The following LYZL6 variants were observed in gnomAD, a reference collection of about 807,000 sequenced individuals.
The protein encoded by LYZL6 is lysozyme like 6, also known as lysozyme-like protein 6.
Under a neutral mutation model 15.0 loss-of-function variants are expected in LYZL6, and 21 were observed. The observed-to-expected ratio is 1.40, with a 90% CI of 1.00 to 2.02. LYZL6 has a LOEUF of 2.02. Ranked by LOEUF, LYZL6 falls within the 30% of genes most tolerant of loss-of-function variation. The probability of loss-of-function intolerance (pLI) is 0.00; values close to 1 mark genes in which losing one functional copy is unlikely to be tolerated. For missense variants in LYZL6, 173 were observed against 180.5 expected (o/e 0.96, Z 0.24); for synonymous variants, 72 against 67.8 (o/e 1.06, Z -0.31).
At chr17:35,937,611 C>T (rs1051716460) in intron 3 of LYZL6, 147 bp downstream of exon 3, 6 of 853,018 alleles carry the variant, frequency 7.0e-6, no homozygotes, top group Middle Eastern at 3.6e-4. Flanking sequence ...AGGGACACTA[C>T]TCCAGCCCTC....
chr17:35,938,575 G>A (rs899406919), intron 2 of LYZL6, among the ~76,000 whole-genome samples: 4 of 148,546 alleles, frequency 2.7e-5, no homozygotes, highest in African/African-American at 7.5e-5. Context: ...CCAAGATCGC[G>A]CCACTACACT....
intron 4 of LYZL6, among the ~76,000 whole-genome samples, chr17:35,935,146 T>TAA (rs11347315): frequency 1.4e-5 from 2 of 140,888 alleles, no homozygotes; most frequent in Admixed American, 7.1e-5. Context: ...AGTTACTTAT[T>TAA]AAAAAAAAAA....
chr17:35,936,705 GTCC>G (rs1568419800), intron 4 of LYZL6, 47 bp downstream of exon 4: 1 of 1,532,402 alleles, frequency 6.5e-7, no homozygotes, highest in Non-Finnish European at 9.0e-7. Context: ...TCTCTGTCAC[GTCC>G]TCCTTCGTGG....
intron 2 of LYZL6, 114 bp from the exon 3 acceptor site, chr17:35,938,030 A>C (rs1190112030): frequency 5.0e-6 from 5 of 999,536 alleles, no homozygotes; most frequent in Non-Finnish European, 7.4e-6. Flanking sequence ...CCTGGGAGGC[A>C]AGATAGGACT....
In LYZL6 at chr17:35,939,314, C is replaced by G. The variant is rs1294421011; in HGVS notation, c.43G>C (p.Ala15Pro). ...CTGATGAGGCTGGCCTGATTTAGGG[C>G]AAGAAAGCTGCTGACCAAATAGATG... Reference protein sequence around the residue: ...LLIYLVSSFLALNQASLISRC... With the variant: ...LLIYLVSSFLPLNQASLISRC... The change falls in exon 2 of 5, where the codon GCC (alanine) becomes CCC (proline). Residue 15 changes from alanine to proline, a missense_variant. Transcript: ENST00000615905. The G allele has an allele frequency of 1.9e-6, 3 of 1,613,994 alleles. No homozygotes were observed. In the African/African-American group the frequency reaches 4.0e-5, roughly 22 times the overall value.
At chr17:35,936,511 T>C (rs951945013) in intron 4 of LYZL6, among the ~76,000 whole-genome samples, 38 of 152,218 alleles carry the variant, frequency 2.5e-4, no homozygotes, top group Non-Finnish European at 5.3e-4. Flanking sequence ...GTGAGACATC[T>C]GGGCCTCTCA....
intron 4 of LYZL6, among the ~76,000 whole-genome samples, chr17:35,936,015 A>C (rs538345061): frequency 1.3e-5 from 2 of 151,492 alleles, no homozygotes; most frequent in South Asian, 4.2e-4. Flanking sequence ...GGGCTTCACC[A>C]TGTTGACCAG....
chr17:35,938,419 A>T (rs947975049), intron 2 of LYZL6, among the ~76,000 whole-genome samples: 5 of 152,046 alleles, frequency 3.3e-5, no homozygotes, highest in Admixed American at 6.6e-5. Flanking sequence ...GGAGATCGAG[A>T]CCATCCTGGC....
intron 1 of LYZL6, among the ~76,000 whole-genome samples, chr17:35,941,505 T>C (rs551081280): frequency 7.9e-5 from 12 of 152,352 alleles, no homozygotes; most frequent in African/African-American, 2.9e-4. Context: ...GTGCAAGTTA[T>C]CTATTTGTCC....
intron 2 of LYZL6, among the ~76,000 whole-genome samples, chr17:35,938,383 G>A (rs1391658740): frequency 1.3e-5 from 2 of 152,130 alleles, no homozygotes; most frequent in Non-Finnish European, 2.9e-5. Flanking sequence ...ACTTTGGGAG[G>A]CTGAGGCGGG....
Position 35,934,618 on chromosome 17 carries a change from G to C in LYZL6, c.*178C>G. 1.7e-6 allele frequency: 1 copy of C among 586,476 alleles called. No individual in the cohort carries two copies. Among genetic ancestry groups the C allele is most frequent in the Non-Finnish European group, 3.0e-6 (1 of 333,212 alleles). 36.3% of individuals were successfully genotyped at this position (586,476 alleles called of 1,614,324 possible). A position where few individuals can be genotyped will look rare whatever the true frequency, so the allele number is the denominator to read the frequency against. On this transcript the variant is annotated 3_prime_UTR_variant, in exon 5 of 5. Coordinates refer to ENST00000615905, the MANE Select transcript of LYZL6 (RefSeq NM_020426.4). The stretch of plus-strand genomic sequence containing the variant: ...GACAGGAACCAGGGGACTGGGTCCA[G>C]ATGGGAGTAAGGAGGAAGCCAAGAA...
intron 1 of LYZL6, among the ~76,000 whole-genome samples, chr17:35,940,398 A>T (rs1157164522): frequency 6.6e-6 from 1 of 152,186 alleles, no homozygotes; most frequent in Non-Finnish European, 1.5e-5. Flanking sequence ...TGTACAAGAA[A>T]TTTAAAAAGT....
intron 1 of LYZL6, among the ~76,000 whole-genome samples, chr17:35,940,520 A>C (rs1049638557): frequency 5.3e-5 from 8 of 152,344 alleles, no homozygotes; most frequent in African/African-American, 1.7e-4. Flanking sequence ...TTGAGATATA[A>C]TTCATGTATC....
rs1412109361 is a variant in LYZL6 at position 35,934,971 on chromosome 17, C to T, written c.378-106G>A. The T allele has an allele frequency of 8.0e-6, 8 of 1,003,250 alleles. No homozygotes were observed. In the East Asian group the frequency reaches 1.3e-4, roughly 16 times the overall value. 62.1% of individuals were successfully genotyped at this position (1,003,250 alleles called of 1,614,324 possible). On this transcript the variant is annotated intron_variant, in intron 4 of 4. Transcript: ENST00000615905. The stretch of plus-strand genomic sequence containing the variant: ...CATATGGAGCAACGCCCAGAATCCC[C>T]GTCATTGCTAGCTAGCCCTCTGGTC...
intron 4 of LYZL6, 69 bp downstream of exon 4, chr17:35,936,686 C>T (rs2089375743): frequency 2.2e-6 from 3 of 1,371,494 alleles, no homozygotes; most frequent in African/African-American, 1.4e-5. Context: ...TCCTTGCCTA[C>T]TGCCCTTTTC....
At chr17:35,937,651 G>A in intron 3 of LYZL6, 107 bp downstream of exon 3, 2 of 1,272,830 alleles carry the variant, frequency 1.6e-6, no homozygotes, top group South Asian at 2.9e-5. Context: ...CTGATTTTTT[G>A]AACCATATTT....
chr17:35,936,913 C>A (rs1471393742), intron 3 of LYZL6, 80 bp from the exon 4 acceptor site: 7 of 1,239,998 alleles, frequency 5.6e-6, no homozygotes, highest in Non-Finnish European at 8.2e-6. Context: ...CCTCCCTGGA[C>A]AGCCCTATGC....
intron 1 of LYZL6, among the ~76,000 whole-genome samples, chr17:35,940,847 T>C (rs917099570): frequency 6.6e-6 from 1 of 152,256 alleles, no homozygotes; most frequent in Non-Finnish European, 1.5e-5. Context: ...TAATGATACT[T>C]CATTCCTTTC....
At chr17:35,940,015 T>G (rs1215482656) in intron 1 of LYZL6, among the ~76,000 whole-genome samples, 1 of 152,104 alleles carries the variant, frequency 6.6e-6, no homozygotes, top group Non-Finnish European at 1.5e-5. Context: ...TGACACATGA[T>G]TTTTCCCAAG....
Sources: allele counts gnomAD v4.1 joint callset (sites outside exome capture counted in the v4.1 genomes callset), GRCh38; gene constraint gnomAD v4.1.1; transcripts MANE v1.5; gene names NCBI Gene and HGNC (gene_info 2026-07-23, HGNC 2026-07-21).